Variants in MYOF observed in about 807,000 individuals in gnomAD.
MYOF encodes fer-1-like 3, myoferlin.
MYOF carries 244 observed loss-of-function variants against 284.2 expected under a neutral mutation model. The ratio of observed to expected loss-of-function variants is 0.86; its 90% CI spans 0.77 to 0.95. The LOEUF (loss-of-function observed/expected upper bound fraction) is 0.95, where lower values mean the gene tolerates loss of function less well. Among genes scored for constraint, MYOF ranks in the 40% least tolerant of loss-of-function variants. The pLI, the probability that MYOF is intolerant of heterozygous loss-of-function variation, is 0.00. For synonymous variants in MYOF, 904 were observed against 919.7 expected (o/e 0.98, Z 0.31); for missense variants, 2,496 against 2,560.6 (o/e 0.97, Z 0.54).
intron 12 of MYOF, among the ~76,000 whole-genome samples, chr10:93,400,516 CTA>C (rs1446402505): frequency 6.6e-6 from 1 of 151,974 alleles, no homozygotes; most frequent in Non-Finnish European, 1.5e-5. Flanking sequence ...CCCTACAATA[CTA>C]TCTTTTAAGA....
chr10:93,436,863 G>A (rs572418350), intron 3 of MYOF, among the ~76,000 whole-genome samples: 2 of 152,274 alleles, frequency 1.3e-5, no homozygotes, highest in Non-Finnish European at 2.9e-5. Flanking sequence ...AAAAATGCTA[G>A]AATATTATAG....
intron 12 of MYOF, among the ~76,000 whole-genome samples, chr10:93,400,856 T>C (rs1164630149): frequency 3.2e-4 from 2 of 6,178 alleles, no homozygotes; most frequent in African/African-American, 3.8e-4. Flanking sequence ...TCAGCATGTT[T>C]TTTTTTTTTT....
At chr10:93,348,886 G>A (rs1192846576) in intron 36 of MYOF, among the ~76,000 whole-genome samples, 1 of 152,186 alleles carries the variant, frequency 6.6e-6, no homozygotes, top group Non-Finnish European at 1.5e-5. Context: ...TCACTAGTTA[G>A]GACATAGTCA....
chr10:93,361,310 C>G, intron 28 of MYOF, 142 bp downstream of exon 28: 1 of 725,280 alleles, frequency 1.4e-6, no homozygotes, highest in South Asian at 1.9e-5. Context: ...AGGCCATGAA[C>G]TGGTACCAGT....
intron 38 of MYOF, chr10:93,342,015 A>G (rs1314804374): frequency 1.7e-5 from 21 of 1,249,404 alleles, no homozygotes; most frequent in Non-Finnish European, 2.1e-5. Flanking sequence ...ACACATGTCC[A>G]TGTTATCTGG....
At chr10:93,408,689 A>C (rs1166854619) in intron 7 of MYOF, 98 bp downstream of exon 7, 85 of 1,510,940 alleles carry the variant, frequency 5.6e-5, no homozygotes, top group Non-Finnish European at 7.2e-5. Flanking sequence ...TGTGATCTCT[A>C]CTTGGAACTC....
At position 93,398,205 on chromosome 10, in the gene MYOF, C is replaced by T. The variant is rs139407595; in HGVS notation, c.1222-749G>A. ...CACATGGGCAGGCCTTCCCTGCTAA[C>T]ATTTTCTTCCTTGGGGCCCTTCCAT... On this transcript the variant is annotated intron_variant, in intron 13 of 53. Transcript: ENST00000359263. Among the ~76,000 whole-genome samples the T allele has an allele frequency of 2.8e-3, 428 of 152,268 alleles. 2 individuals carry two copies. Among genetic ancestry groups the T allele is most frequent in the African/African-American group, 9.6e-3 (399 of 41,566 alleles).
At position 93,356,836 on chromosome 10, in the gene MYOF, A is replaced by G. The variant is rs767795168; in HGVS notation, c.3133T>C (p.Leu1045=). 1.9e-6 allele frequency: 3 copies of G among 1,612,326 alleles called. No individual in the cohort carries two copies. Among genetic ancestry groups the G allele is most frequent in the African/African-American group, 1.3e-5 (1 of 74,766 alleles). ...ASSTARAMEE[L]QDQEGWEYAS... ...TATTCCCAGCCCTCTTGGTCTTGCA[A>G]TTCCTCCATGGCCTAAAACAGAAGT... Residue 1045 remains leucine, a synonymous_variant, in exon 30 of 54, where the codon TTG becomes CTG. Coordinates refer to ENST00000359263, the MANE Select transcript of MYOF (RefSeq NM_013451.4).
chr10:93,362,677 TAAGTA>T (rs755620419), intron 27 of MYOF, among the ~76,000 whole-genome samples: 23 of 152,118 alleles, frequency 1.5e-4, no homozygotes, highest in Admixed American at 1.4e-3. Context: ...AGAAAGTTCC[TAAGTA>T]AAGGAAATAA....
intron 5 of MYOF, among the ~76,000 whole-genome samples, chr10:93,422,170 A>C (rs1184805038): frequency 6.6e-6 from 1 of 152,222 alleles, no homozygotes; most frequent in Non-Finnish European, 1.5e-5. Flanking sequence ...ATTTAAAAAT[A>C]AAATTGCCCT....
chr10:93,312,953 T>C (rs958594458), intron 51 of MYOF, 67 bp downstream of exon 51: 9 of 1,485,130 alleles, frequency 6.1e-6, no homozygotes, highest in African/African-American at 5.6e-5. Flanking sequence ...AGTCTATGGA[T>C]AAAGGGCAAA....
chr10:93,318,983 C>A (rs1322290386), intron 49 of MYOF, among the ~76,000 whole-genome samples: 1 of 152,100 alleles, frequency 6.6e-6, no homozygotes, highest in East Asian at 1.9e-4. Flanking sequence ...AATGAAAGCA[C>A]CCAGATTTTC....
chr10:93,345,792 T>C (rs1844159895), intron 37 of MYOF, among the ~76,000 whole-genome samples: 1 of 152,220 alleles, frequency 6.6e-6, no homozygotes, highest in African/African-American at 2.4e-5. Context: ...TCACTGGTTT[T>C]ATGAAAGGAC....
Position 93,427,200 on chromosome 10 carries a change from AAC to A in MYOF, c.346-1044_346-1043del, listed in dbSNP as rs1491046570. 4.9e-3 allele frequency among the ~76,000 whole-genome samples: 586 copies of A among 120,652 alleles called. 3 individuals carry two copies. Among genetic ancestry groups the A allele is most frequent in the African/African-American group, 0.019 (544 of 29,288 alleles). The allele number at this position is 120,652 out of a possible 152,430, so 79.2% of individuals were successfully genotyped here. A position where few individuals can be genotyped will look rare whatever the true frequency, so the allele number is the denominator to read the frequency against. On this transcript the variant is annotated intron_variant, in intron 4 of 53. Transcript: ENST00000359263. ...CGTGCCCGGGGAGACTCTGTCTTAA[AAC>A]AAAACAAAACAAAACAAAAAAAAAC...
At chr10:93,322,993 C>A in intron 48 of MYOF, 85 bp downstream of exon 48, 1 of 1,318,964 alleles carries the variant, frequency 7.6e-7, no homozygotes, top group Admixed American at 1.7e-5. Context: ...AGAATCCTAT[C>A]TTGGGCATAT....
In MYOF at chr10:93,429,997, C is replaced by T. The variant is rs371334419; in HGVS notation, c.345+1411G>A. 1.5e-3 allele frequency among the ~76,000 whole-genome samples: 220 copies of T among 150,676 alleles called. 2 individuals carry two copies. Among genetic ancestry groups the T allele is most frequent in the African/African-American group, 5.2e-3 (212 of 41,016 alleles). On this transcript the variant is annotated intron_variant, in intron 4 of 53. Transcript: ENST00000359263. ...TTGCCCAGGCTGGAGTGCAGTGGCGCGATCTTGGCTCACTGCAACCTCGGC... is the reference window on the plus strand; with the variant it reads ...TTGCCCAGGCTGGAGTGCAGTGGCGTGATCTTGGCTCACTGCAACCTCGGC...
chr10:93,452,476 G>C (rs1349339772), intron 2 of MYOF, among the ~76,000 whole-genome samples: 9 of 146,726 alleles, frequency 6.1e-5, no homozygotes, highest in Admixed American at 5.7e-4. Flanking sequence ...GCAGGGTGTT[G>C]TTCTCACTCA....
chr10:93,351,327 C>T (rs1276831335), intron 34 of MYOF, 32 bp from the exon 35 acceptor site: 4 of 1,608,282 alleles, frequency 2.5e-6, no homozygotes, highest in Admixed American at 1.7e-5. Flanking sequence ...GTCAATGCCT[C>T]ACTTTAGTTC....
chr10:93,308,982 G>A (rs890399278), intron 53 of MYOF, among the ~76,000 whole-genome samples: 3 of 152,184 alleles, frequency 2.0e-5, no homozygotes, highest in African/African-American at 7.2e-5. Context: ...AAAGTGCCAG[G>A]ATTACAGGCA....
Sources: gnomAD v4.1 joint callset for allele counts (sites outside exome capture counted in the v4.1 genomes callset) on GRCh38, gnomAD v4.1.1 for gene constraint, MANE v1.5 for transcripts, NCBI Gene and HGNC (gene_info 2026-07-23, HGNC 2026-07-21) for gene names.